The following PTPRT variants were observed in gnomAD, a reference collection of about 807,000 sequenced individuals.
PTPRT encodes protein tyrosine phosphatase receptor type T.
PTPRT carries 56 observed loss-of-function variants against 176.8 expected under a neutral mutation model. The observed-to-expected ratio is 0.32, with a 90% CI of 0.26 to 0.40. The LOEUF (loss-of-function observed/expected upper bound fraction) is 0.40. Among genes scored for constraint, PTPRT ranks in the 10% least tolerant of loss-of-function variants. The pLI is 1.00. For missense variants in PTPRT, 1,540 were observed against 1,908.2 expected (o/e 0.81, Z 3.60); for synonymous variants, 783 against 739.0 (o/e 1.06, Z -0.96).
intron 27 of PTPRT, among the ~76,000 whole-genome samples, chr20:42,093,312 G>A (rs1468130953): frequency 6.6e-6 from 1 of 152,198 alleles, no homozygotes; most frequent in African/African-American, 2.4e-5. Context: ...TTGCTGGCTG[G>A]CGTGGTTCTA....
chr20:42,247,628 T>C (rs1479483426), intron 14 of PTPRT, among the ~76,000 whole-genome samples: 1 of 152,202 alleles, frequency 6.6e-6, no homozygotes, highest in Non-Finnish European at 1.5e-5. Flanking sequence ...GTTTGGTTAA[T>C]AATGTAGAAG....
At chr20:42,925,701 T>C (rs989147292) in intron 1 of PTPRT, among the ~76,000 whole-genome samples, 1 of 152,156 alleles carries the variant, frequency 6.6e-6, no homozygotes, top group Non-Finnish European at 1.5e-5. Context: ...CCCTGCCCCC[T>C]TGGGTTTCTG....
At chr20:42,129,294 G>C in intron 18 of PTPRT, among the ~76,000 whole-genome samples, 1 of 152,166 alleles carries the variant, frequency 6.6e-6, no homozygotes, top group East Asian at 1.9e-4. Context: ...AGTATTGTTA[G>C]AGATAGATTG....
intron 6 of PTPRT, among the ~76,000 whole-genome samples, chr20:42,713,937 T>A (rs751756141): frequency 1.3e-5 from 2 of 152,194 alleles, no homozygotes; most frequent in African/African-American, 2.4e-5. Context: ...GTGATAGCAT[T>A]ACGTTTCCTG....
chr20:43,021,745 C>A (rs1226291697), intron 1 of PTPRT, among the ~76,000 whole-genome samples: 3 of 149,396 alleles, frequency 2.0e-5, no homozygotes, highest in African/African-American at 7.4e-5. Flanking sequence ...TAACAGAAAC[C>A]AAATTAAATT....
chr20:42,850,642 A>C (rs978699273), intron 2 of PTPRT, among the ~76,000 whole-genome samples: 2 of 152,130 alleles, frequency 1.3e-5, no homozygotes, highest in African/African-American at 4.8e-5. Flanking sequence ...GTCAACCCCA[A>C]AGGCAGTGGC....
At chr20:42,888,307 CT>C (rs1259049551) in intron 1 of PTPRT, among the ~76,000 whole-genome samples, 1 of 150,664 alleles carries the variant, frequency 6.6e-6, no homozygotes. Flanking sequence ...TTTGTACAAC[CT>C]GACTAATATA....
At chr20:43,188,936 C>A (rs2015468058) in intron 1 of PTPRT, among the ~76,000 whole-genome samples, 1 of 152,160 alleles carries the variant, frequency 6.6e-6, no homozygotes, top group African/African-American at 2.4e-5. Context: ...GTGGCCAAAC[C>A]CAAATATGAG....
intron 19 of PTPRT, among the ~76,000 whole-genome samples, chr20:42,125,350 T>A (rs751193982): frequency 2.4e-4 from 36 of 152,202 alleles, no homozygotes; most frequent in Non-Finnish European, 1.5e-4. Context: ...TTACCCAAGA[T>A]CATAAAGCTA....
intron 2 of PTPRT, 143 bp downstream of exon 2, chr20:42,885,664 C>T: frequency 1.9e-6 from 2 of 1,038,924 alleles, no homozygotes; most frequent in Non-Finnish European, 2.7e-6. Context: ...GTTTGACCAC[C>T]TCTGAGTGTG....
At chr20:43,180,942 T>C (rs1162256363) in intron 1 of PTPRT, among the ~76,000 whole-genome samples, 1 of 152,106 alleles carries the variant, frequency 6.6e-6, no homozygotes, top group Non-Finnish European at 1.5e-5. Flanking sequence ...TATGACAAAG[T>C]GATGTGATGT....
rs895742704 is a variant in PTPRT, at chr20:42,905,368, T to G, written c.89-19436A>C. ...AATGCAAATCAAAACCACAATGACA[T>G]ACCATCTCACACCAGTTAGAATGGC... On this transcript the variant is annotated intron_variant, in intron 1 of 30. Transcript: ENST00000373187. 2.0e-5 allele frequency among the ~76,000 whole-genome samples: 3 copies of G among 152,156 alleles called. No homozygotes were observed. The South Asian group carries it at 6.2e-4, about 32-fold the overall frequency.
At chr20:42,164,819 G>A (rs763453340) in intron 16 of PTPRT, among the ~76,000 whole-genome samples, 9 of 152,156 alleles carry the variant, frequency 5.9e-5, no homozygotes, top group East Asian at 1.9e-4. Flanking sequence ...GAATTCACAC[G>A]CTGCTCATAA....
intron 13 of PTPRT, 135 bp downstream of exon 13, chr20:42,282,354 G>T: frequency 2.3e-6 from 2 of 852,574 alleles, no homozygotes; most frequent in Non-Finnish European, 1.8e-6. Context: ...TGTTCTAGAT[G>T]CAAATGACTC....
chr20:42,668,858 ATTTTTTTT>A (rs755121515), intron 7 of PTPRT, among the ~76,000 whole-genome samples: 160 of 81,296 alleles, frequency 2.0e-3, no homozygotes, highest in Non-Finnish European at 2.6e-3. Context: ...CGCCCAGCTA[ATTTTTTTT>A]TTTTTTTTTT....
chr20:42,600,773 GCAAAATA>G (rs1230718528), intron 7 of PTPRT, among the ~76,000 whole-genome samples: 4 of 152,086 alleles, frequency 2.6e-5, no homozygotes, highest in Admixed American at 2.0e-4. Context: ...CCATGTTGTT[GCAAAATA>G]CATACTTTTA....
chr20:42,826,798 T>C (rs976695486), intron 2 of PTPRT, among the ~76,000 whole-genome samples: 2 of 152,166 alleles, frequency 1.3e-5, no homozygotes, highest in Non-Finnish European at 2.9e-5. Context: ...TGGTATGCAA[T>C]CTTCAAGAGA....
chr20:42,666,223 TA>T (rs1194905745), intron 7 of PTPRT, among the ~76,000 whole-genome samples: 16 of 152,216 alleles, frequency 1.1e-4, no homozygotes, highest in Admixed American at 9.8e-4. Context: ...TCCATACTTG[TA>T]AAGTGCTACC....
At chr20:42,327,007 G>A (rs1288744883) in intron 11 of PTPRT, among the ~76,000 whole-genome samples, 2 of 149,602 alleles carry the variant, frequency 1.3e-5, no homozygotes, top group East Asian at 3.9e-4. Flanking sequence ...TGGATATTAA[G>A]TTATATTATG....
Sources: gnomAD v4.1 joint callset for allele counts (sites outside exome capture counted in the v4.1 genomes callset) on GRCh38, gnomAD v4.1.1 for gene constraint, MANE v1.5 for transcripts, NCBI Gene and HGNC (gene_info 2026-07-23, HGNC 2026-07-21) for gene names.